The following GRM7 variants were observed in gnomAD, a reference collection of about 807,000 sequenced individuals.
GRM7 encodes the protein metabotropic glutamate receptor 7.
Under a neutral mutation model 84.5 loss-of-function variants are expected in GRM7, and 35 were observed. The ratio of observed to expected loss-of-function variants is 0.41; its 90% CI spans 0.32 to 0.55. GRM7 has a LOEUF of 0.55. Ranked by LOEUF, GRM7 falls within the 20% of genes least tolerant of loss-of-function variation. The pLI is 0.19. For missense variants in GRM7, 1,003 were observed against 1,194.6 expected, an observed-to-expected ratio of 0.84 and a Z score of 2.36; for synonymous variants, 487 against 455.1, an observed-to-expected ratio of 1.07 and a Z score of -0.89.
intron 2 of GRM7, among the ~76,000 whole-genome samples, chr3:7,239,974 G>T (rs1017166586): frequency 2.0e-5 from 3 of 152,036 alleles, no homozygotes; most frequent in Non-Finnish European, 4.4e-5. Context: ...AGCATCCTAA[G>T]AGTAAAAGGA....
intron 7 of GRM7, among the ~76,000 whole-genome samples, chr3:7,495,389 T>G (rs958939151): frequency 1.3e-5 from 2 of 151,928 alleles, no homozygotes; most frequent in African/African-American, 4.8e-5. Context: ...GACAAAGAAG[T>G]TAAAAGAGGC....
chr3:7,298,484 T>C (rs1039833384), intron 2 of GRM7, 200 bp from the exon 3 acceptor site: 3 of 544,998 alleles, frequency 5.5e-6, no homozygotes, highest in Admixed American at 6.6e-5. Context: ...GAGGATGTCG[T>C]GTAATACCAT....
chr3:7,712,908 C>T (rs1260894484), intron 9 of GRM7, among the ~76,000 whole-genome samples: 1 of 152,068 alleles, frequency 6.6e-6, no homozygotes, highest in African/African-American at 2.4e-5. Flanking sequence ...GTAGCTCCAT[C>T]ATTCCCATCT....
chr3:6,882,182 C>T (rs1055657826), intron 1 of GRM7, among the ~76,000 whole-genome samples: 6 of 152,060 alleles, frequency 3.9e-5, no homozygotes, highest in African/African-American at 1.5e-4. Flanking sequence ...CTCTGTACAA[C>T]TTTTACCAAT....
intron 1 of GRM7, among the ~76,000 whole-genome samples, chr3:7,051,046 A>G (rs535248145): frequency 7.7e-4 from 117 of 151,962 alleles, no homozygotes; most frequent in African/African-American, 2.8e-3. Context: ...GTATTATACT[A>G]TATTTCATAC....
chr3:7,566,285 G>A (rs1694264224), intron 7 of GRM7, among the ~76,000 whole-genome samples: 1 of 152,018 alleles, frequency 6.6e-6, no homozygotes, highest in Non-Finnish European at 1.5e-5. Context: ...TTCAGAATAG[G>A]CAACGGACAG....
chr3:7,090,006 C>T (rs1427278902), intron 1 of GRM7, among the ~76,000 whole-genome samples: 1 of 151,994 alleles, frequency 6.6e-6, no homozygotes, highest in African/African-American at 2.4e-5. Flanking sequence ...CCATGTCTGG[C>T]TAATTTTTGT....
At chr3:7,665,920 T>C (rs991670372) in intron 8 of GRM7, among the ~76,000 whole-genome samples, 1 of 152,364 alleles carries the variant, frequency 6.6e-6, no homozygotes, top group African/African-American at 2.4e-5. Context: ...ATGTGCACCA[T>C]ACTTTGGAAT....
At chr3:7,035,390 T>A (rs1320554561) in intron 1 of GRM7, among the ~76,000 whole-genome samples, 1 of 151,902 alleles carries the variant, frequency 6.6e-6, no homozygotes, top group Non-Finnish European at 1.5e-5. Flanking sequence ...AGGGAAAGTA[T>A]AAAAGGCCCA....
At chr3:7,496,224 T>C (rs911837801) in intron 7 of GRM7, among the ~76,000 whole-genome samples, 24 of 152,128 alleles carry the variant, frequency 1.6e-4, no homozygotes, top group Admixed American at 1.6e-3. Flanking sequence ...GAGTAAAACA[T>C]CATCTACCTA....
At chr3:7,027,956 AT>A (rs960449811) in intron 1 of GRM7, among the ~76,000 whole-genome samples, 1 of 152,092 alleles carries the variant, frequency 6.6e-6, no homozygotes, top group Non-Finnish European at 1.5e-5. Context: ...CCTCAAAAGA[AT>A]TTTTTTGTCC....
At chr3:7,720,633 C>T (rs774223097) in intron 9 of GRM7, among the ~76,000 whole-genome samples, 1 of 152,156 alleles carries the variant, frequency 6.6e-6, no homozygotes, top group South Asian at 2.1e-4. Flanking sequence ...CAGCTTCCTG[C>T]AACAACTTGA....
intron 3 of GRM7, among the ~76,000 whole-genome samples, chr3:7,299,892 G>C (rs1324418603): frequency 6.6e-6 from 1 of 152,000 alleles, no homozygotes; most frequent in African/African-American, 2.4e-5. Context: ...GCACAAATCT[G>C]TGTGTATAAA....
At chr3:7,084,784 G>T (rs1051183513) in intron 1 of GRM7, among the ~76,000 whole-genome samples, 2 of 152,014 alleles carry the variant, frequency 1.3e-5, no homozygotes, top group African/African-American at 4.8e-5. Context: ...TTCTTTATTC[G>T]GGAAATGAAA....
rs28449229 is a variant in GRM7 at position 6,887,451 on chromosome 3, A to G, written c.519+25544A>G. ...TGTGTCCATGTGTTCTCATTGTTCA[A>G]TTCCCACCTATGAGTGAGAATATGC... On this transcript the variant is annotated intron_variant, in intron 1 of 9. Coordinates refer to ENST00000357716, the MANE Select transcript of GRM7 (RefSeq NM_000844.4). 1.6e-4 allele frequency among the ~76,000 whole-genome samples: 25 copies of G among 151,942 alleles called. 1 individual carries two copies. In the East Asian group the frequency reaches 4.1e-3, roughly 25 times the overall value.
At chr3:7,116,006 C>G (rs1488361574) in intron 1 of GRM7, among the ~76,000 whole-genome samples, 2 of 152,116 alleles carry the variant, frequency 1.3e-5, no homozygotes, top group African/African-American at 2.4e-5. Flanking sequence ...CCAGAGGGCT[C>G]TTATGCAAAG....
intron 7 of GRM7, among the ~76,000 whole-genome samples, chr3:7,532,212 A>G (rs745898283): frequency 6.6e-5 from 10 of 151,934 alleles, no homozygotes; most frequent in Admixed American, 1.3e-4. Flanking sequence ...TCCTCTTTGT[A>G]CCTCTGGTAG....
At chr3:7,494,646 T>G (rs1699635602) in intron 7 of GRM7, among the ~76,000 whole-genome samples, 2 of 152,172 alleles carry the variant, frequency 1.3e-5, no homozygotes, top group African/African-American at 4.8e-5. Flanking sequence ...TTTTTATCAG[T>G]CTGTTGTCTG....
chr3:6,960,984 G>A (rs916864414), intron 1 of GRM7, among the ~76,000 whole-genome samples: 4 of 151,958 alleles, frequency 2.6e-5, no homozygotes, highest in South Asian at 2.1e-4. Context: ...GAATATTTTT[G>A]CTTGCAGCCT....
Sources: allele counts gnomAD v4.1 joint callset (sites outside exome capture counted in the v4.1 genomes callset), GRCh38; gene constraint gnomAD v4.1.1; transcripts MANE v1.5; gene names NCBI Gene and HGNC (gene_info 2026-07-23, HGNC 2026-07-21).